Variants in FAT4 observed in about 807,000 individuals in gnomAD.
FAT4 encodes the protein protocadherin Fat 4.
Under a neutral mutation model 303.9 loss-of-function variants are expected in FAT4, and 84 were observed. That is an observed-to-expected ratio of 0.28 (90% CI 0.23 to 0.33). FAT4 has a LOEUF of 0.33. FAT4 is among the 10% of genes least tolerant of loss of function. The pLI, the probability that FAT4 is intolerant of heterozygous loss-of-function variation, is 1.00. For missense variants in FAT4, 6,005 were observed against 6,146.8 expected, an observed-to-expected ratio of 0.98 and a Z score of 0.77; for synonymous variants, 2,307 against 2,298.8, an observed-to-expected ratio of 1.00 and a Z score of -0.10.
intron 2 of FAT4, among the ~76,000 whole-genome samples, chr4:125,359,840 T>C (rs1178650707): frequency 6.6e-6 from 1 of 152,198 alleles, no homozygotes; most frequent in African/African-American, 2.4e-5. Flanking sequence ...TTTGTTTTTA[T>C]TTCTTGCCTG....
intron 16 of FAT4, among the ~76,000 whole-genome samples, chr4:125,484,030 ATTCT>A (rs1373119963): frequency 1.0e-5 from 1 of 98,950 alleles, no homozygotes; most frequent in Non-Finnish European, 1.9e-5. Flanking sequence ...CTTTTCTATC[ATTCT>A]TTCTCTCTCT....
At chr4:125,453,035 T>C (rs1187529756) in intron 10 of FAT4, among the ~76,000 whole-genome samples, 4 of 152,238 alleles carry the variant, frequency 2.6e-5, no homozygotes, top group African/African-American at 9.6e-5. Flanking sequence ...TTTTCCAGTT[T>C]CTATAGGCAA....
chr4:125,385,550 C>G (rs1733715513), intron 2 of FAT4, among the ~76,000 whole-genome samples: 2 of 151,584 alleles, frequency 1.3e-5, no homozygotes, highest in Non-Finnish European at 2.9e-5. Context: ...TCAAAGTATC[C>G]CTTGATGTCA....
chr4:125,436,358 T>C (rs1725452479), intron 8 of FAT4, among the ~76,000 whole-genome samples: 1 of 152,124 alleles, frequency 6.6e-6, no homozygotes, highest in South Asian at 2.1e-4. Context: ...AAGTATTCTA[T>C]TTGAATACAG....
In FAT4 at chr4:125,407,088, C is replaced by T. The variant is rs1280436955; in HGVS notation, c.5516C>T (p.Pro1839Leu). The T allele has an allele frequency of 1.2e-5, 19 of 1,613,584 alleles. No homozygotes were observed. The highest frequency in any genetic ancestry group is 1.6e-5 in the Non-Finnish European group (19 of 1,179,748). Reference protein sequence around the residue: ...ITVSDVNDHTPKFSRPVYSFD... With the variant: ...ITVSDVNDHTLKFSRPVYSFD... ...GTCAGTGATGTGAATGACCATACACCCAAATTTTCCAGACCCGTGTACTCT... is the reference window on the plus strand; with the variant it reads ...GTCAGTGATGTGAATGACCATACACTCAAATTTTCCAGACCCGTGTACTCT... The change falls in exon 4 of 18, where the codon CCC becomes CTC. Residue 1839 changes from proline to leucine, a missense_variant. Pro to Leu is a moderately conservative substitution (Grantham distance 98, BLOSUM62 -3). Transcript: ENST00000394329.
intron 11 of FAT4, among the ~76,000 whole-genome samples, chr4:125,466,891 C>T (rs1726682229): frequency 1.3e-5 from 2 of 151,718 alleles, no homozygotes; most frequent in African/African-American, 4.8e-5. Context: ...TCTCCTGCCT[C>T]AGCCTCCCGA....
rs1730859733 is a variant in FAT4, at chr4:125,319,971, C to G, written c.3560C>G (p.Pro1187Arg). The change falls in exon 2 of 18, where the codon CCT becomes CGT. Residue 1187 changes from proline to arginine, a missense_variant. Transcript: ENST00000394329. ...FTVIATDQGI[P>R]QPLKDQATVH... ...GTCATAGCAACAGATCAGGGGATCC[C>G]TCAGCCTCTCAAGGATCAGGCCACT... 6.2e-7 allele frequency: 1 copy of G among 1,612,948 alleles called. No homozygotes were observed. The highest frequency in any genetic ancestry group is 8.5e-7 in the Non-Finnish European group (1 of 1,179,998).
In FAT4 at chr4:125,327,198, G is replaced by A. The variant is rs79277077; in HGVS notation, c.5175+5612G>A. ...TTCCAAGGGTTTCTAGAGCAGGGAAGAAGATGAGAATTTGAGAGAAGGGAG... is the reference window on the plus strand; with the variant it reads ...TTCCAAGGGTTTCTAGAGCAGGGAAAAAGATGAGAATTTGAGAGAAGGGAG... On this transcript the variant is annotated intron_variant, in intron 2 of 17. Coordinates refer to ENST00000394329, the MANE Select transcript of FAT4 (RefSeq NM_001291303.3). Among the ~76,000 whole-genome samples, 807 of 152,284 alleles carry A rather than the reference G, an allele frequency of 5.3e-3. 3 individuals carry two copies. The highest frequency in any genetic ancestry group is 9.5e-3 in the Non-Finnish European group (648 of 68,006).
chr4:125,473,708 C>T (rs1345015703), intron 12 of FAT4, among the ~76,000 whole-genome samples: 8 of 152,138 alleles, frequency 5.3e-5, no homozygotes, highest in Non-Finnish European at 1.0e-4. Context: ...ACCTGATGAC[C>T]TCCAAGGTCT....
At chr4:125,373,638 TTCCA>T (rs993964175) in intron 2 of FAT4, among the ~76,000 whole-genome samples, 4 of 152,216 alleles carry the variant, frequency 2.6e-5, no homozygotes, top group African/African-American at 9.6e-5. Flanking sequence ...CTGGCCACTA[TTCCA>T]TGTGCCTCAC....
At chr4:125,477,806 TTTTA>T (rs1421960625) in intron 14 of FAT4, among the ~76,000 whole-genome samples, 2 of 152,144 alleles carry the variant, frequency 1.3e-5, no homozygotes, top group African/African-American at 2.4e-5. Context: ...TGTAAGGCTT[TTTTA>T]TTTGATTATT....
Position 125,492,083 on chromosome 4 carries a change from T to C in FAT4, c.*315T>C. 1 of 269,576 alleles carries C rather than the reference T, an allele frequency of 3.7e-6. No homozygotes were observed. Among genetic ancestry groups the C allele is most frequent in the Non-Finnish European group, 7.0e-6 (1 of 142,664 alleles). 16.7% of individuals were successfully genotyped at this position (269,576 alleles called of 1,614,324 possible). A position where few individuals can be genotyped will look rare whatever the true frequency, so the allele number is the denominator to read the frequency against. The stretch of plus-strand genomic sequence containing the variant: ...TTTTTAAAAATTGATACCTTTACCA[T>C]TGCAGAAAAGAACTTGTGCTTTCCC... On this transcript the variant is annotated 3_prime_UTR_variant, in exon 18 of 18. Transcript: ENST00000394329.
intron 2 of FAT4, among the ~76,000 whole-genome samples, chr4:125,378,964 G>T (rs1372174953): frequency 6.6e-6 from 1 of 151,962 alleles, no homozygotes; most frequent in Non-Finnish European, 1.5e-5. Context: ...TTCATTGGTT[G>T]CCTTGGAGAG....
intron 15 of FAT4, among the ~76,000 whole-genome samples, chr4:125,480,378 C>T (rs887758423): frequency 7.9e-5 from 12 of 152,026 alleles, no homozygotes; most frequent in African/African-American, 2.2e-4. Flanking sequence ...TTTTTAAAAT[C>T]CTTTCATCAT....
chr4:125,459,937 A>T (rs1293253728), intron 10 of FAT4, among the ~76,000 whole-genome samples: 3 of 152,086 alleles, frequency 2.0e-5, no homozygotes, highest in African/African-American at 7.2e-5. Context: ...GTTAATTTCT[A>T]ATTGGGTAAA....
intron 2 of FAT4, among the ~76,000 whole-genome samples, chr4:125,384,717 T>G (rs1223526070): frequency 6.6e-6 from 1 of 152,004 alleles, no homozygotes; most frequent in Non-Finnish European, 1.5e-5. Context: ...TCTGTAATTT[T>G]TTACTTAGAG....
chr4:125,434,703 G>T lies in FAT4; in HGVS notation c.7199+278G>T, dbSNP rs1271325079. ...ACTACACTGGGTGCTTCTGTCTCAT[G>T]AGGTTGACTGGTGGCACTTCACAGT... is the stretch of plus-strand genomic sequence containing the variant. On this transcript the variant is annotated intron_variant, in intron 8 of 17. Coordinates refer to ENST00000394329, the MANE Select transcript of FAT4 (RefSeq NM_001291303.3). Among the ~76,000 whole-genome samples, 3 of 152,226 alleles carry T rather than the reference G, an allele frequency of 2.0e-5. No homozygotes were observed. The East Asian group carries it at 5.8e-4, about 29-fold the overall frequency.
chr4:125,347,985 C>T (rs1364507144), intron 2 of FAT4, among the ~76,000 whole-genome samples: 1 of 151,624 alleles, frequency 6.6e-6, no homozygotes, highest in African/African-American at 2.4e-5. Flanking sequence ...TGAAAAACTC[C>T]AGACACAATT....
At chr4:125,373,689 T>C (rs1733208237) in intron 2 of FAT4, among the ~76,000 whole-genome samples, 1 of 152,164 alleles carries the variant, frequency 6.6e-6, no homozygotes, top group South Asian at 2.1e-4. Context: ...AAAAACCCTA[T>C]GACTGAGGTA....
Sources: gnomAD v4.1 joint callset for allele counts (sites outside exome capture counted in the v4.1 genomes callset) on GRCh38, gnomAD v4.1.1 for gene constraint, MANE v1.5 for transcripts, NCBI Gene and HGNC (gene_info 2026-07-23, HGNC 2026-07-21) for gene names.